KIF5C: variants seen among roughly 807,000 people sequenced by gnomAD.
KIF5C encodes kinesin family member 5C, also known as kinesin heavy chain isoform 5C.
A neutral mutation model predicts 125.2 loss-of-function variants in KIF5C; 18 were observed. The ratio of observed to expected loss-of-function variants is 0.14; its 90% CI spans 0.10 to 0.21. The LOEUF (loss-of-function observed/expected upper bound fraction) is 0.21. Ranked by LOEUF, KIF5C falls within the 10% of genes least tolerant of loss-of-function variation. KIF5C has a pLI of 1.00. For missense variants in KIF5C, 780 were observed against 1,183.8 expected, an observed-to-expected ratio of 0.66 and a Z score of 5.01; for synonymous variants, 405 against 434.0, an observed-to-expected ratio of 0.93 and a Z score of 0.83.
At chr2:148,905,871 G>A (rs1295486773) in intron 1 of KIF5C, among the ~76,000 whole-genome samples, 3 of 152,276 alleles carry the variant, frequency 2.0e-5, no homozygotes, top group East Asian at 3.9e-4. Flanking sequence ...TGTCTTACAC[G>A]ATGGCAGGCC....
chr2:148,921,322 T>C (rs935392177), intron 1 of KIF5C, among the ~76,000 whole-genome samples: 5 of 152,200 alleles, frequency 3.3e-5, no homozygotes, highest in African/African-American at 1.2e-4. Context: ...TCTCTTTGTC[T>C]TGGAAGCCTC....
At chr2:148,957,971 G>A (rs1682838358) in intron 10 of KIF5C, among the ~76,000 whole-genome samples, 1 of 152,070 alleles carries the variant, frequency 6.6e-6, no homozygotes, top group African/African-American at 2.4e-5. Flanking sequence ...GTACTGTTTT[G>A]TATCTGGCTT....
At chr2:148,881,339 TCTA>T (rs1681344802) in intron 1 of KIF5C, among the ~76,000 whole-genome samples, 2 of 152,188 alleles carry the variant, frequency 1.3e-5, no homozygotes, top group Non-Finnish European at 2.9e-5. Context: ...TTCATTTAGC[TCTA>T]GACTACGTTA....
At chr2:148,889,708 G>A (rs1681651264) in intron 1 of KIF5C, among the ~76,000 whole-genome samples, 1 of 152,152 alleles carries the variant, frequency 6.6e-6, no homozygotes, top group South Asian at 2.1e-4. Context: ...GGGAGGTGTG[G>A]TGACACCACT....
intron 1 of KIF5C, among the ~76,000 whole-genome samples, chr2:148,897,993 C>CTAGCAGAG (rs1416326035): frequency 7.2e-6 from 1 of 138,014 alleles, no homozygotes; most frequent in Non-Finnish European, 1.5e-5. Flanking sequence ...GTGGTGCTGG[C>CTAGCAGAG]TAGCAGAGAA....
intron 7 of KIF5C, among the ~76,000 whole-genome samples, chr2:148,944,280 A>T (rs892993648): frequency 2.6e-5 from 4 of 152,148 alleles, no homozygotes; most frequent in African/African-American, 9.7e-5. Context: ...CTAGAACTTT[A>T]TCTTCTCCAA....
At position 148,949,775 on chromosome 2, in the gene KIF5C, T is replaced by C. The variant is rs924207583; in HGVS notation, c.715-64T>C. 7.7e-6 allele frequency: 12 copies of C among 1,563,638 alleles called. No individual in the cohort carries two copies. In the South Asian group the frequency reaches 1.1e-4, roughly 14 times the overall value. ...GTCCCCCTTTGCCCTCGTGTGAATT[T>C]GAAATTTCTACTTTGTGCTTCTGCC... On this transcript the variant is annotated intron_variant, in intron 8 of 25. Transcript: ENST00000435030.
At chr2:148,929,792 A>G (rs971145441) in intron 3 of KIF5C, among the ~76,000 whole-genome samples, 1 of 152,100 alleles carries the variant, frequency 6.6e-6, no homozygotes, top group African/African-American at 2.4e-5. Context: ...GCCCACAGAC[A>G]TATTTTTGTT....
chr2:148,890,891 C>G (rs1000848623), intron 1 of KIF5C, among the ~76,000 whole-genome samples: 3 of 152,010 alleles, frequency 2.0e-5, no homozygotes, highest in African/African-American at 4.8e-5. Context: ...ATATGAATAT[C>G]TTATTTAATT....
At chr2:148,971,000 C>T (rs1008251079) in intron 11 of KIF5C, among the ~76,000 whole-genome samples, 21 of 152,292 alleles carry the variant, frequency 1.4e-4, no homozygotes, top group African/African-American at 4.8e-4. Flanking sequence ...TCATCTTTGT[C>T]ATGCGTAAGC....
chr2:148,998,353 T>G, intron 18 of KIF5C, 47 bp from the exon 19 acceptor site: 1 of 1,551,508 alleles, frequency 6.4e-7, no homozygotes, highest in Non-Finnish European at 8.7e-7. Context: ...CAGAGTGGGC[T>G]GAGTGCCAAC....
chr2:148,934,252 A>G (rs964958479), intron 3 of KIF5C, among the ~76,000 whole-genome samples: 4 of 150,888 alleles, frequency 2.7e-5, no homozygotes, highest in African/African-American at 9.8e-5. Flanking sequence ...TATACACACC[A>G]CATACAAACA....
chr2:148,988,057 G>C (rs189264752), intron 15 of KIF5C, among the ~76,000 whole-genome samples: 4 of 152,170 alleles, frequency 2.6e-5, no homozygotes, highest in Non-Finnish European at 5.9e-5. Flanking sequence ...TTTCTCCTGG[G>C]TTGGTCATTG....
intron 25 of KIF5C, among the ~76,000 whole-genome samples, chr2:149,019,379 A>T (rs1462140908): frequency 6.6e-6 from 1 of 152,214 alleles, no homozygotes; most frequent in African/African-American, 2.4e-5. Context: ...ATGGGGACAG[A>T]CCTGAAAAGA....
intron 11 of KIF5C, among the ~76,000 whole-genome samples, chr2:148,969,841 C>T (rs529406298): frequency 6.6e-6 from 1 of 152,032 alleles, no homozygotes; most frequent in Non-Finnish European, 1.5e-5. Context: ...ATTTACAATC[C>T]CCAGACGTGT....
intron 11 of KIF5C, among the ~76,000 whole-genome samples, chr2:148,967,613 C>T (rs181160025): frequency 1.3e-5 from 2 of 152,146 alleles, no homozygotes; most frequent in Admixed American, 1.3e-4. Flanking sequence ...GAATGGGTGT[C>T]GAGTGGCTGA....
intron 25 of KIF5C, among the ~76,000 whole-genome samples, chr2:149,013,184 A>G (rs776563976): frequency 1.2e-4 from 18 of 152,242 alleles, no homozygotes; most frequent in Non-Finnish European, 2.2e-4. Context: ...AAGGTGGTAC[A>G]TCAGTAGTTA....
intron 21 of KIF5C, among the ~76,000 whole-genome samples, chr2:149,003,786 A>G (rs1681922545): frequency 6.6e-6 from 1 of 152,028 alleles, no homozygotes; most frequent in African/African-American, 2.4e-5. Context: ...CAAACTCAGG[A>G]CTCTATATTT....
At position 148,961,986 on chromosome 2, in the gene KIF5C, G is replaced by C. The variant is rs745572490; in HGVS notation, c.984G>C (p.Lys328Asn). ...LMFGQRAKTIKNTVSVNLELT... is the reference protein window; with the variant it reads ...LMFGQRAKTINNTVSVNLELT... ...TTAATCCCAGAGCTAAGACCATCAA[G>C]AATACAGTCTCTGTGAACCTAGAAC... The change falls in exon 11 of 26, where the codon AAG becomes AAC. Residue 328 changes from lysine to asparagine, a missense_variant. Lys to Asn is a moderately conservative substitution (Grantham distance 94). Transcript: ENST00000435030. 1 of 1,613,540 alleles carries C rather than the reference G, an allele frequency of 6.2e-7. No homozygotes were observed. The highest frequency in any genetic ancestry group is 1.7e-5 in the Admixed American group (1 of 59,930).
Sources: gnomAD v4.1 joint callset for allele counts (sites outside exome capture counted in the v4.1 genomes callset) on GRCh38, gnomAD v4.1.1 for gene constraint, MANE v1.5 for transcripts, NCBI Gene and HGNC (gene_info 2026-07-23, HGNC 2026-07-21) for gene names.